VAV3: variants seen among roughly 807,000 people sequenced by gnomAD.
The protein encoded by VAV3 is vav guanine nucleotide exchange factor 3.
In VAV3, 94 loss-of-function variants were observed where a neutral mutation model predicts 131.2. That is an observed-to-expected ratio of 0.72 (90% CI 0.61 to 0.85). The LOEUF is 0.85. VAV3 is among the 40% of genes least tolerant of loss of function. VAV3 has a pLI of 0.00. For synonymous variants in VAV3, 349 were observed against 342.0 expected (o/e 1.02, Z -0.22); for missense variants, 939 against 1,002.7 (o/e 0.94, Z 0.86).
chr1:107,612,766 C>T (rs923521504), intron 21 of VAV3, among the ~76,000 whole-genome samples: 6 of 152,104 alleles, frequency 3.9e-5, no homozygotes, highest in African/African-American at 1.4e-4. Flanking sequence ...GGTTTCCTCT[C>T]TCTGACTCTT....
chr1:107,677,210 T>C (rs373869418), intron 19 of VAV3, among the ~76,000 whole-genome samples: 30 of 152,298 alleles, frequency 2.0e-4, no homozygotes, highest in African/African-American at 7.2e-4. Context: ...TATTTCTACA[T>C]AGAACTGTAG....
At chr1:107,585,681 A>G (rs555464395) in intron 25 of VAV3, among the ~76,000 whole-genome samples, 80 of 152,158 alleles carry the variant, frequency 5.3e-4, no homozygotes, top group African/African-American at 1.9e-3. Flanking sequence ...GTGATGTCCT[A>G]TAAAAGTCAT....
chr1:107,749,178 T>C (rs1663546747), intron 14 of VAV3, 101 bp from the exon 15 acceptor site: 2 of 931,190 alleles, frequency 2.1e-6, no homozygotes, highest in Admixed American at 5.6e-5. Flanking sequence ...CACAATATTA[T>C]CAATGTACAA....
At chr1:107,623,703 C>G (rs1041863256) in intron 20 of VAV3, among the ~76,000 whole-genome samples, 6 of 152,150 alleles carry the variant, frequency 3.9e-5, no homozygotes, top group Admixed American at 2.6e-4. Flanking sequence ...TGGCCACTAC[C>G]ATTAATTCCA....
chr1:107,595,788 C>A (rs189467410), intron 25 of VAV3, among the ~76,000 whole-genome samples: 158 of 152,248 alleles, frequency 1.0e-3, no homozygotes, highest in Non-Finnish European at 1.9e-3. Flanking sequence ...TTAAAGTAGT[C>A]ATTGAAATAG....
chr1:107,856,662 A>G (rs1048101948), intron 2 of VAV3, among the ~76,000 whole-genome samples: 1 of 152,204 alleles, frequency 6.6e-6, no homozygotes, highest in African/African-American at 2.4e-5. Context: ...CTTCTCGAAA[A>G]TTGGCTGAAA....
chr1:107,869,353 G>A (rs1344235338), intron 2 of VAV3, among the ~76,000 whole-genome samples: 2 of 152,154 alleles, frequency 1.3e-5, no homozygotes, highest in Non-Finnish European at 2.9e-5. Flanking sequence ...AATATCATTA[G>A]TTCTCTTGCA....
At chr1:107,735,419 G>A (rs912355181) in intron 15 of VAV3, among the ~76,000 whole-genome samples, 1 of 152,268 alleles carries the variant, frequency 6.6e-6, no homozygotes, top group African/African-American at 2.4e-5. Context: ...GAATCCAAGA[G>A]CTGGTTTTCT....
chr1:107,902,432 A>C (rs1403924186), intron 1 of VAV3, among the ~76,000 whole-genome samples: 1 of 152,186 alleles, frequency 6.6e-6, no homozygotes, highest in Non-Finnish European at 1.5e-5. Context: ...GCAATTATAT[A>C]ATGTTTCACA....
At chr1:107,803,935 C>CA (rs1666943546) in intron 2 of VAV3, among the ~76,000 whole-genome samples, 1 of 151,846 alleles carries the variant, frequency 6.6e-6, no homozygotes, top group Non-Finnish European at 1.5e-5. Flanking sequence ...GTGTTGGATG[C>CA]ATATTTATAA....
chr1:107,918,974 T>C (rs1343029732), intron 1 of VAV3, among the ~76,000 whole-genome samples: 1 of 152,110 alleles, frequency 6.6e-6, no homozygotes, highest in East Asian at 1.9e-4. Flanking sequence ...CCCAAAGTGT[T>C]GGGATTACAG....
At chr1:107,960,794 C>T (rs1675048274) in intron 1 of VAV3, among the ~76,000 whole-genome samples, 1 of 152,124 alleles carries the variant, frequency 6.6e-6, no homozygotes, top group African/African-American at 2.4e-5. Flanking sequence ...CGCTTCAGGT[C>T]CCACCTAATT....
intron 15 of VAV3, among the ~76,000 whole-genome samples, chr1:107,711,696 A>G (rs1570802197): frequency 6.6e-6 from 1 of 152,198 alleles, no homozygotes; most frequent in Non-Finnish European, 1.5e-5. Flanking sequence ...TGCATTCAAT[A>G]AATTCGTAAG....
At chr1:107,848,052 G>A (rs954419942) in intron 2 of VAV3, among the ~76,000 whole-genome samples, 2 of 152,088 alleles carry the variant, frequency 1.3e-5, no homozygotes, top group South Asian at 2.1e-4. Context: ...GGTGTCTCAC[G>A]TCTGTAATGC....
rs569165642 is a variant in VAV3, at chr1:107,609,983, A to C, written c.1981-18T>G. ...TTGGGCACCTAGGATATAAAAAAGC[A>C]AAAACAGATTAAGTTTACATAAGGG... On this transcript the variant is annotated intron_variant, in intron 21 of 26. Coordinates refer to ENST00000370056, the MANE Select transcript of VAV3 (RefSeq NM_006113.5). 6.2e-7 allele frequency: 1 copy of C among 1,612,758 alleles called. No individual in the cohort carries two copies. The highest frequency in any genetic ancestry group is 2.2e-5 in the East Asian group (1 of 44,854).
chr1:107,875,705 A>C (rs1670462882), intron 1 of VAV3, among the ~76,000 whole-genome samples: 1 of 152,198 alleles, frequency 6.6e-6, no homozygotes, highest in Admixed American at 6.5e-5. Flanking sequence ...AGGAGGACAT[A>C]ATCTGATGGT....
At chr1:107,789,471 A>C (rs960789145) in intron 2 of VAV3, among the ~76,000 whole-genome samples, 1 of 152,224 alleles carries the variant, frequency 6.6e-6, no homozygotes, top group Non-Finnish European at 1.5e-5. Context: ...AACGTTTCAA[A>C]CCATCTAACA....
chr1:107,758,871 T>C (rs1300309091), intron 10 of VAV3, among the ~76,000 whole-genome samples: 1 of 152,208 alleles, frequency 6.6e-6, no homozygotes, highest in Non-Finnish European at 1.5e-5. Flanking sequence ...TAAATTATGT[T>C]CTAATATCTA....
At chr1:107,668,287 A>G (rs1046116167) in intron 19 of VAV3, among the ~76,000 whole-genome samples, 1 of 152,226 alleles carries the variant, frequency 6.6e-6, no homozygotes, top group African/African-American at 2.4e-5. Context: ...TAAATTAGTT[A>G]AAAACATACA....
Sources: allele counts gnomAD v4.1 joint callset (sites outside exome capture counted in the v4.1 genomes callset), GRCh38; gene constraint gnomAD v4.1.1; transcripts MANE v1.5; gene names NCBI Gene and HGNC (gene_info 2026-07-23, HGNC 2026-07-21).